GPR158: variants seen among roughly 807,000 people sequenced by gnomAD.
GPR158 encodes the protein G protein-coupled receptor 158, also known as metabotropic glycine receptor.
GPR158 carries 30 observed loss-of-function variants against 78.2 expected under a neutral mutation model. The ratio of observed to expected loss-of-function variants is 0.38; its 90% confidence interval spans 0.29 to 0.52. The LOEUF (loss-of-function observed/expected upper bound fraction) is 0.52, where lower values mean the gene tolerates loss of function less well. Among genes scored for constraint, GPR158 ranks in the 20% least tolerant of loss-of-function variants. The pLI is 0.83. For missense variants in GPR158, 1,463 were observed against 1,523.5 expected (o/e 0.96, Z 0.66); for synonymous variants, 581 against 591.1 (o/e 0.98, Z 0.25).
At chr10:25,522,527 T>C (rs1836291953) in intron 5 of GPR158, among the ~76,000 whole-genome samples, 1 of 152,166 alleles carries the variant, frequency 6.6e-6, no homozygotes, top group South Asian at 2.1e-4. Context: ...GGGAAATGAC[T>C]AATGAGAAAA....
chr10:25,452,826 T>C (rs1432850882), intron 4 of GPR158, among the ~76,000 whole-genome samples: 1 of 152,224 alleles, frequency 6.6e-6, no homozygotes, highest in Non-Finnish European at 1.5e-5. Flanking sequence ...TATTAGATCC[T>C]CAGAACTTAT....
chr10:25,279,150 T>C (rs1227578127), intron 2 of GPR158, among the ~76,000 whole-genome samples: 1 of 152,136 alleles, frequency 6.6e-6, no homozygotes, highest in Non-Finnish European at 1.5e-5. Context: ...ACACTACTAC[T>C]ACTGCTGCTG....
intron 2 of GPR158, among the ~76,000 whole-genome samples, chr10:25,314,997 C>T (rs1206503200): frequency 2.0e-5 from 3 of 150,460 alleles, no homozygotes; most frequent in Non-Finnish European, 3.0e-5. Context: ...TTTGTCAGTA[C>T]TGTTTTTAAT....
chr10:25,515,909 G>T (rs1451975797), intron 5 of GPR158, among the ~76,000 whole-genome samples: 1 of 151,122 alleles, frequency 6.6e-6, no homozygotes, highest in Non-Finnish European at 1.5e-5. Context: ...TGGGTTAAAT[G>T]GTATTTCTAG....
intron 2 of GPR158, among the ~76,000 whole-genome samples, chr10:25,286,165 G>T (rs868018198): frequency 3.3e-5 from 5 of 151,838 alleles, no homozygotes; most frequent in African/African-American, 1.2e-4. Flanking sequence ...TTTACTTGGG[G>T]TTATCTGAGC....
chr10:25,267,244 G>A (rs993970742), intron 2 of GPR158, among the ~76,000 whole-genome samples: 5 of 152,080 alleles, frequency 3.3e-5, no homozygotes, highest in African/African-American at 1.2e-4. Context: ...AATTGAGTCC[G>A]AGTTCAGCTT....
chr10:25,559,852 T>A (rs1257249118), intron 6 of GPR158, among the ~76,000 whole-genome samples: 1 of 152,216 alleles, frequency 6.6e-6, no homozygotes, highest in Non-Finnish European at 1.5e-5. Context: ...CACTAAAAAG[T>A]AGATGAGGCC....
At chr10:25,309,266 T>C (rs1038988011) in intron 2 of GPR158, among the ~76,000 whole-genome samples, 1 of 152,048 alleles carries the variant, frequency 6.6e-6, no homozygotes, top group South Asian at 2.1e-4. Context: ...TGTAAGGTGG[T>C]ATCTCATTGT....
intron 2 of GPR158, among the ~76,000 whole-genome samples, chr10:25,282,225 C>T (rs1400768454): frequency 6.6e-6 from 1 of 152,102 alleles, no homozygotes; most frequent in Non-Finnish European, 1.5e-5. Context: ...ATAAATTATA[C>T]AGTATTTGGC....
At chr10:25,245,995 C>G (rs1160149846) in intron 2 of GPR158, among the ~76,000 whole-genome samples, 1 of 152,052 alleles carries the variant, frequency 6.6e-6, no homozygotes, top group African/African-American at 2.4e-5. Flanking sequence ...TCAGTTTATC[C>G]CATTAGAAGC....
intron 5 of GPR158, among the ~76,000 whole-genome samples, chr10:25,482,559 A>G (rs571533307): frequency 9.2e-5 from 14 of 152,250 alleles, no homozygotes; most frequent in Middle Eastern, 3.4e-3. Context: ...TGAAGTAGGC[A>G]TGTAAGAATT....
intron 6 of GPR158, among the ~76,000 whole-genome samples, chr10:25,559,566 G>C (rs1588912142): frequency 6.6e-6 from 1 of 152,150 alleles, no homozygotes; most frequent in African/African-American, 2.4e-5. Context: ...TTAAGTAAAT[G>C]GTATGTGCTA....
intron 1 of GPR158, among the ~76,000 whole-genome samples, chr10:25,217,277 G>A (rs1018258104): frequency 2.0e-5 from 3 of 152,064 alleles, no homozygotes; most frequent in African/African-American, 7.2e-5. Context: ...TTTAGTCTGG[G>A]TTAAGCAATA....
Position 25,175,473 on chromosome 10 carries a change from G to T in GPR158, c.53G>T (p.Gly18Val). 1 of 1,609,784 alleles carries T rather than the reference G, an allele frequency of 6.2e-7. No homozygotes were observed. ...CTCTGCCTCCTGCTTGCTCAGCTGG[G>T]ATTGGGAGCTGTTGGCGCCAGCCGC... Reference protein sequence around the residue: ...LLLCLLLAQLGLGAVGASRDP... With the variant: ...LLLCLLLAQLVLGAVGASRDP... Residue 18 changes from glycine (G) to valine (V), a missense_variant, in exon 1 of 11, where the codon GGA becomes GTA. Coordinates refer to ENST00000376351, the MANE Select transcript of GPR158 (RefSeq NM_020752.3). This position sits in a 1 kb window ranked among gnomAD's most constrained non-coding sequence, Gnocchi z 6.4.
chr10:25,355,586 G>T (rs34052500), intron 2 of GPR158, among the ~76,000 whole-genome samples: 1 of 152,056 alleles, frequency 6.6e-6, no homozygotes, highest in South Asian at 2.1e-4. Flanking sequence ...ATGTACGTCT[G>T]TGACTTTGCA....
intron 4 of GPR158, among the ~76,000 whole-genome samples, chr10:25,419,386 C>G (rs923434245): frequency 2.0e-5 from 3 of 152,048 alleles, no homozygotes; most frequent in South Asian, 2.1e-4. Flanking sequence ...TTTTGTTTTT[C>G]CGTTCATCTG....
intron 3 of GPR158, among the ~76,000 whole-genome samples, chr10:25,398,976 T>A (rs185702242): frequency 6.6e-6 from 1 of 152,312 alleles, no homozygotes; most frequent in Non-Finnish European, 1.5e-5. Flanking sequence ...AGATGAGCAG[T>A]GGGTGAGTGT....
At position 25,212,627 on chromosome 10, in the gene GPR158, CT is replaced by C. The variant is rs10642944; in HGVS notation, c.903-8403del. 7.9e-3 allele frequency among the ~76,000 whole-genome samples: 621 copies of C among 78,556 alleles called. 1 individual carries two copies. The highest frequency in any genetic ancestry group is 0.023 in the South Asian group (40 of 1,766). The allele number at this position is 78,556 out of a possible 152,430, so 51.5% of individuals were successfully genotyped here. A position where few individuals can be genotyped will look rare whatever the true frequency, so the allele number is the denominator to read the frequency against. On this transcript the variant is annotated intron_variant, in intron 1 of 10. Coordinates refer to ENST00000376351, the MANE Select transcript of GPR158 (RefSeq NM_020752.3). Reference sequence around the variant, plus strand: ...TACTTAACTACTAGAGAATTTATAGCTTTTTTTTTTTTTTTTTTTTTTGAGA... The same window carrying C: ...TACTTAACTACTAGAGAATTTATAGCTTTTTTTTTTTTTTTTTTTTTGAGA...
intron 2 of GPR158, among the ~76,000 whole-genome samples, chr10:25,278,208 GA>G (rs1047786840): frequency 6.6e-6 from 1 of 151,888 alleles, no homozygotes; most frequent in African/African-American, 2.4e-5. Context: ...GAGATGGCAA[GA>G]AAAAAATGAG....
Sources: gnomAD v4.1 joint callset for allele counts (sites outside exome capture counted in the v4.1 genomes callset) on GRCh38, gnomAD v4.1.1 for gene constraint, Gnocchi (gnomAD v3.1) non-coding constraint, MANE v1.5 for transcripts, NCBI Gene and HGNC (gene_info 2026-07-23, HGNC 2026-07-21) for gene names.